The following SPA17 variants were observed in gnomAD, a reference collection of about 807,000 sequenced individuals.
The protein encoded by SPA17 is sperm autoantigenic protein 17, also known as sperm surface protein Sp17.
In SPA17, 7 loss-of-function variants were observed where a neutral mutation model predicts 13.8. The ratio of observed to expected loss-of-function variants is 0.51; its 90% CI spans 0.29 to 0.95. The LOEUF (loss-of-function observed/expected upper bound fraction) is 0.95, where lower values mean the gene tolerates loss of function less well. Among genes scored for constraint, SPA17 ranks in the 40% least tolerant of loss-of-function variants. SPA17 has a pLI of 0.08. For synonymous variants in SPA17, 61 were observed against 59.0 expected (o/e 1.03, Z -0.16); for missense variants, 170 against 179.3 (o/e 0.95, Z 0.30).
intron 3 of SPA17, among the ~76,000 whole-genome samples, chr11:124,688,017 A>G (rs1300960379): frequency 6.6e-6 from 1 of 152,104 alleles, no homozygotes; most frequent in Admixed American, 6.6e-5. Flanking sequence ...TGATATATAT[A>G]TGTATATATA....
At chr11:124,673,983 A>ACCAAGACCTAGCCTTTT in intron 1 of SPA17, 31 bp downstream of exon 1, 1 of 524,340 alleles carries the variant, frequency 1.9e-6, no homozygotes. Context: ...CCTCTCCGAT[A>ACCAAGACCTAGCCTTTT]CCAAGACCTA....
Position 124,696,468 on chromosome 11 carries a change from C to G in SPA17, c.*2022C>G, listed in dbSNP as rs749376549. 20 of 150,306 alleles carry G rather than the reference C, an allele frequency of 1.3e-4. No individual in the cohort carries two copies. The highest frequency in any genetic ancestry group is 2.6e-4 in the Non-Finnish European group (18 of 67,980). 9.3% of individuals were successfully genotyped at this position (150,306 alleles called of 1,614,324 possible). A position where few individuals can be genotyped will look rare whatever the true frequency, so the allele number is the denominator to read the frequency against. On this transcript the variant is annotated 3_prime_UTR_variant, in exon 5 of 5. Coordinates refer to ENST00000227135, the MANE Select transcript of SPA17 (RefSeq NM_017425.4). ...TGTTATACACATAAAGTGACTAGCA[C>G]TATGCATTCCATACACACACACACA...
intron 3 of SPA17, among the ~76,000 whole-genome samples, chr11:124,685,137 A>G (rs1365551333): frequency 2.0e-5 from 3 of 152,256 alleles, no homozygotes; most frequent in African/African-American, 7.2e-5. Flanking sequence ...GCAACCTCCC[A>G]TCACAAGCCT....
rs1437131269 is a variant in SPA17, at chr11:124,694,513, C to G, written c.*67C>G. On this transcript the variant is annotated 3_prime_UTR_variant, in exon 5 of 5. Coordinates refer to ENST00000227135, the MANE Select transcript of SPA17 (RefSeq NM_017425.4). ...AATCCATCAACCTTCTTATTAATGT[C>G]ATTTCTTCCTGAGGAAGGAAGATTT... 4 of 1,525,006 alleles carry G rather than the reference C, an allele frequency of 2.6e-6. No individual in the cohort carries two copies. Among genetic ancestry groups the G allele is most frequent in the Non-Finnish European group, 3.5e-6 (4 of 1,133,792 alleles). The allele number at this position is 1,525,006 out of a possible 1,614,324, so 94.5% of individuals were successfully genotyped here.
At chr11:124,678,591 G>A (rs911217816) in intron 2 of SPA17, among the ~76,000 whole-genome samples, 8 of 151,416 alleles carry the variant, frequency 5.3e-5, no homozygotes, top group East Asian at 1.9e-4. Context: ...TGGCTCTGTC[G>A]CCCAGGCTGA....
rs1392629497 is a variant in SPA17, at chr11:124,691,757, A to T, written c.287A>T (p.Glu96Val). 3 of 1,611,574 alleles carry T rather than the reference A, an allele frequency of 1.9e-6. No homozygotes were observed. The East Asian group carries it at 6.7e-5, about 36-fold the overall frequency. ...GAAGAGTCTCAGATATCTGGGAAGG[A>T]GGAAGAGACATCAGTCACCATCTTA... ...KQEESQISGKEEETSVTILDS... is the reference protein window; with the variant it reads ...KQEESQISGKVEETSVTILDS... Residue 96 changes from glutamate to valine, a missense_variant, in exon 4 of 5, where the codon GAG becomes GTG. Glu to Val is a moderately radical substitution (Grantham distance 121). Transcript: ENST00000227135.
Position 124,696,660 on chromosome 11 carries a change from TAACTCTTC to T in SPA17, c.*2220_*2227del, listed in dbSNP as rs1396795472. On this transcript the variant is annotated 3_prime_UTR_variant, in exon 5 of 5. Coordinates refer to ENST00000227135, the MANE Select transcript of SPA17 (RefSeq NM_017425.4). ...GTTCCTTCTCAATTCCCTTCACTGG[TAACTCTTC>T]AACTCCCCAACCACTAAATGCTAAG... 1 of 152,244 alleles carries T rather than the reference TAACTCTTC, an allele frequency of 6.6e-6. No homozygotes were observed. Among genetic ancestry groups the T allele is most frequent in the African/African-American group, 2.4e-5 (1 of 41,454 alleles). 9.4% of individuals were successfully genotyped at this position (152,244 alleles called of 1,614,324 possible).
At chr11:124,677,997 T>G (rs1943488511) in intron 2 of SPA17, among the ~76,000 whole-genome samples, 1 of 152,206 alleles carries the variant, frequency 6.6e-6, no homozygotes, top group East Asian at 1.9e-4. Flanking sequence ...TGTGGGATAA[T>G]AAGCATTTAT....
At chr11:124,676,081 A>G (rs1387206104) in intron 2 of SPA17, 1 of 152,212 alleles carries the variant, frequency 6.6e-6, no homozygotes, top group African/African-American at 2.4e-5. Flanking sequence ...CTTCACTCCT[A>G]TAAATAAAAT....
chr11:124,693,105 C>G (rs1351121829), intron 4 of SPA17, among the ~76,000 whole-genome samples: 2 of 152,124 alleles, frequency 1.3e-5, no homozygotes, highest in African/African-American at 2.4e-5. Context: ...TTCATAGGTG[C>G]TTTTACACAG....
rs1221767403 is a variant in SPA17 at position 124,681,622 on chromosome 11, AAG to A, written c.225+165_225+166del. ...ATTTAATAAATCTTATTTTATTAAAAAGATTATTTATTAAAAAGATTTAATAA... is the reference window on the plus strand; with the variant it reads ...ATTTAATAAATCTTATTTTATTAAAAATTATTTATTAAAAAGATTTAATAA... On this transcript the variant is annotated intron_variant, in intron 3 of 4. Coordinates refer to ENST00000227135, the MANE Select transcript of SPA17 (RefSeq NM_017425.4). Among the ~76,000 whole-genome samples, 11 of 151,832 alleles carry A rather than the reference AAG, an allele frequency of 7.2e-5. 1 individual carries two copies. The highest frequency in any genetic ancestry group is 2.4e-4 in the African/African-American group (10 of 41,520).
intron 3 of SPA17, among the ~76,000 whole-genome samples, chr11:124,691,339 T>G (rs936113547): frequency 6.6e-6 from 1 of 152,182 alleles, no homozygotes; most frequent in African/African-American, 2.4e-5. Context: ...TAGAAACTAT[T>G]GGATCCTCTT....
intron 3 of SPA17, among the ~76,000 whole-genome samples, chr11:124,684,132 T>G (rs1224656506): frequency 6.6e-6 from 1 of 152,194 alleles, no homozygotes; most frequent in African/African-American, 2.4e-5. Flanking sequence ...AAGAGATGCC[T>G]TCCACCATGA....
At position 124,695,330 on chromosome 11, in the gene SPA17, T is replaced by C. The variant is rs991261252; in HGVS notation, c.*884T>C. On this transcript the variant is annotated 3_prime_UTR_variant, in exon 5 of 5. Transcript: ENST00000227135. ...GAACAAGACTAATAACATCATATTG[T>C]AAAAAGCAAAAGCTATCATATCATG... is the stretch of plus-strand genomic sequence containing the variant. 9.2e-5 allele frequency: 14 copies of C among 152,244 alleles called. No individual in the cohort carries two copies. The highest frequency in any genetic ancestry group is 3.4e-4 in the African/African-American group (14 of 41,460). The allele number at this position is 152,244 out of a possible 1,614,324, so 9.4% of individuals were successfully genotyped here. A position where few individuals can be genotyped will look rare whatever the true frequency, so the allele number is the denominator to read the frequency against.
At chr11:124,683,989 A>G (rs1398457557) in intron 3 of SPA17, among the ~76,000 whole-genome samples, 1 of 152,174 alleles carries the variant, frequency 6.6e-6, no homozygotes, top group African/African-American at 2.4e-5. Flanking sequence ...CTCATCTTGA[A>G]TTGTAGTTCC....
At chr11:124,681,560 G>T in intron 3 of SPA17, 101 bp downstream of exon 3, 7 of 626,036 alleles carry the variant, frequency 1.1e-5, no homozygotes, top group African/African-American at 1.9e-5. Context: ...ATGTGAGGAG[G>T]CATCACAAAT....
chr11:124,686,190 T>TGGGGGGGGGGGGGGGGGGG (rs60389113), intron 3 of SPA17, among the ~76,000 whole-genome samples: 1 of 74,860 alleles, frequency 1.3e-5, no homozygotes. Flanking sequence ...GAATCATGGG[T>TGGGGGGGGGGGGGGGGGGG]GGGGGGGGGG....
At chr11:124,687,561 T>G (rs1943588318) in intron 3 of SPA17, among the ~76,000 whole-genome samples, 1 of 152,118 alleles carries the variant, frequency 6.6e-6, no homozygotes, top group African/African-American at 2.4e-5. Context: ...AACAGAATAC[T>G]AGCAAACAGA....
chr11:124,675,191 G>A, intron 1 of SPA17, 47 bp from the exon 2 acceptor site: 1 of 1,529,084 alleles, frequency 6.5e-7, no homozygotes, highest in Middle Eastern at 1.8e-4. Flanking sequence ...GATTATATAA[G>A]TAAAATCAGA....
Sources: gnomAD v4.1 joint callset for allele counts (sites outside exome capture counted in the v4.1 genomes callset) on GRCh38, gnomAD v4.1.1 for gene constraint, MANE v1.5 for transcripts, NCBI Gene and HGNC (gene_info 2026-07-23, HGNC 2026-07-21) for gene names.